Variants in NEXN observed in about 807,000 individuals in gnomAD.
NEXN encodes the protein nexilin F-actin binding protein.
A neutral mutation model predicts 92.6 loss-of-function variants in NEXN; 65 were observed. The ratio of observed to expected loss-of-function variants is 0.70; its 90% CI spans 0.57 to 0.86. The LOEUF (loss-of-function observed/expected upper bound fraction) is 0.86, where lower values mean the gene tolerates loss of function less well. NEXN is among the 40% of genes least tolerant of loss of function. NEXN has a pLI of 0.00. For missense variants in NEXN, 778 were observed against 771.1 expected, an observed-to-expected ratio of 1.01 and a Z score of -0.11; for synonymous variants, 254 against 242.5, an observed-to-expected ratio of 1.05 and a Z score of -0.44.
At chr1:77,934,891 T>C (rs1417967062) in intron 10 of NEXN, among the ~76,000 whole-genome samples, 1 of 152,192 alleles carries the variant, frequency 6.6e-6, no homozygotes, top group East Asian at 1.9e-4. Flanking sequence ...TTAACTTGAG[T>C]ATTAAGAGTG....
chr1:77,920,153 G>A (rs147527639), intron 5 of NEXN, among the ~76,000 whole-genome samples: 1 of 151,964 alleles, frequency 6.6e-6, no homozygotes, highest in East Asian at 1.9e-4. Flanking sequence ...TGCCCACCTC[G>A]GCCTCCCAAA....
intron 5 of NEXN, among the ~76,000 whole-genome samples, chr1:77,921,241 C>T (rs2102104787): frequency 6.6e-6 from 1 of 152,234 alleles, no homozygotes; most frequent in African/African-American, 2.4e-5. Flanking sequence ...GTCCCAGCTA[C>T]TTGGGAGGCT....
intron 1 of NEXN, among the ~76,000 whole-genome samples, chr1:77,914,014 A>G (rs1032859780): frequency 9.9e-5 from 15 of 152,264 alleles, no homozygotes; most frequent in African/African-American, 3.6e-4. Context: ...TTCCAACTGT[A>G]TGACATTCTG....
rs2102133043 is a variant in NEXN at position 77,929,342 on chromosome 1, C to A, written c.891C>A (p.Asp297Glu). Reference protein sequence around the residue: ...QMVNEDEENQDTAKIFKGYRP... With the variant: ...QMVNEDEENQETAKIFKGYRP... ...TAAATGAAGATGAGGAAAACCAAGACACAGCAAAAATTTTTAAAGGGTACC... is the reference window on the plus strand; with the variant it reads ...TAAATGAAGATGAGGAAAACCAAGAAACAGCAAAAATTTTTAAAGGGTACC... The change falls in exon 9 of 13, where the codon GAC (aspartate) becomes GAA (glutamate). Residue 297 changes from aspartate (D) to glutamate (E), a missense_variant. By Grantham distance (45) the Asp-to-Glu change is conservative. This residue lies in a region of NEXN where 532 missense variants were observed against 476.7 expected (regional missense o/e 1.12). Transcript: ENST00000334785. The A allele has an allele frequency of 6.2e-7, 1 of 1,613,152 alleles. No individual in the cohort carries two copies.
At position 77,901,330 on chromosome 1, in the gene NEXN, TTCC is replaced by T. The variant is rs150467707; in HGVS notation, c.-53+12574_-53+12576del. 4.2e-3 allele frequency among the ~76,000 whole-genome samples: 636 copies of T among 152,330 alleles called. 6 individuals carry two copies. Among genetic ancestry groups the T allele is most frequent in the African/African-American group, 0.015 (612 of 41,570 alleles). On this transcript the variant is annotated intron_variant, in intron 1 of 12. Coordinates refer to ENST00000334785, the MANE Select transcript of NEXN (RefSeq NM_144573.4). ...AGATTAGCAAAAATGTAAAATTATTTTCCTCTTCTTACTAATTATTTTTATGTT... is the reference window on the plus strand; with the variant it reads ...AGATTAGCAAAAATGTAAAATTATTTTCTTCTTACTAATTATTTTTATGTT...
intron 11 of NEXN, chr1:77,941,638 T>C (rs1651319129): frequency 9.4e-6 from 2 of 211,730 alleles, no homozygotes. Flanking sequence ...AGAAAACATT[T>C]ATTATGCAGT....
In NEXN at chr1:77,942,699, G is replaced by C. The variant is rs768461695; in HGVS notation, c.1898G>C (p.Arg633Thr). 3.7e-6 allele frequency: 6 copies of C among 1,613,764 alleles called. No individual in the cohort carries two copies. The Admixed American group carries it at 1.0e-4, about 27-fold the overall frequency. Reference sequence around the variant, plus strand: ...GGAGAAGACTATCAATATATTGAAAGGGGAGAAACTTACTGCCTTTACTTA... The same window carrying C: ...GGAGAAGACTATCAATATATTGAAACGGGAGAAACTTACTGCCTTTACTTA... ...QDGEDYQYIE[R>T]GETYCLYLPE... is the part of the protein sequence containing the mutation. The change falls in exon 13 of 13, where the codon AGG becomes ACG. Residue 633 changes from arginine (R) to threonine (T), a missense_variant. Physicochemically the swap from Arg to Thr is moderately conservative, Grantham distance 71 (BLOSUM62 -1). Coordinates refer to ENST00000334785, the MANE Select transcript of NEXN (RefSeq NM_144573.4).
At chr1:77,906,358 A>G (rs1031299479) in intron 1 of NEXN, among the ~76,000 whole-genome samples, 13 of 152,130 alleles carry the variant, frequency 8.5e-5, no homozygotes, top group Non-Finnish European at 2.9e-5. Context: ...CCTAAACAGA[A>G]ACTCTAATCC....
At chr1:77,923,290 T>G (rs970362022) in intron 5 of NEXN, among the ~76,000 whole-genome samples, 1 of 151,268 alleles carries the variant, frequency 6.6e-6, no homozygotes, top group Non-Finnish European at 1.5e-5. Flanking sequence ...CCACCATGCC[T>G]GGCCAGGTAT....
At chr1:77,911,293 A>G (rs1648557686) in intron 1 of NEXN, among the ~76,000 whole-genome samples, 1 of 152,220 alleles carries the variant, frequency 6.6e-6, no homozygotes, top group Admixed American at 6.5e-5. Flanking sequence ...GTCAAAACAT[A>G]GTCAAAACTT....
intron 1 of NEXN, among the ~76,000 whole-genome samples, chr1:77,908,047 G>A (rs1345401818): frequency 1.3e-5 from 2 of 151,974 alleles, no homozygotes; most frequent in African/African-American, 2.4e-5. Context: ...CCAGGAGTTC[G>A]AGACCAGCCT....
intron 10 of NEXN, among the ~76,000 whole-genome samples, chr1:77,934,814 G>A (rs1237236978): frequency 2.0e-5 from 3 of 152,208 alleles, no homozygotes; most frequent in East Asian, 1.9e-4. Context: ...GCTATGGCAT[G>A]TTTGGCAGGC....
At chr1:77,895,029 A>ATTTTTTTTTTTTT (rs559226754) in intron 1 of NEXN, among the ~76,000 whole-genome samples, 10 of 61,656 alleles carry the variant, frequency 1.6e-4, no homozygotes, top group African/African-American at 6.1e-4. Flanking sequence ...CTATAGTGTA[A>ATTTTTTTTTTTTT]TTTTTTTTTT....
chr1:77,898,007 A>C (rs1453315827), intron 1 of NEXN, among the ~76,000 whole-genome samples: 1 of 152,204 alleles, frequency 6.6e-6, no homozygotes, highest in Non-Finnish European at 1.5e-5. Flanking sequence ...AATGAAATAA[A>C]AGAGGATACA....
At chr1:77,898,082 T>C (rs887567102) in intron 1 of NEXN, among the ~76,000 whole-genome samples, 1 of 151,672 alleles carries the variant, frequency 6.6e-6, no homozygotes, top group Non-Finnish European at 1.5e-5. Flanking sequence ...ATGGCCATAC[T>C]GCCCAAGGTA....
chr1:77,904,840 C>T (rs372856374), intron 1 of NEXN, among the ~76,000 whole-genome samples: 28 of 152,144 alleles, frequency 1.8e-4, no homozygotes, highest in African/African-American at 6.3e-4. Flanking sequence ...CTTAAAAATC[C>T]GGTTCCAAGG....
intron 1 of NEXN, among the ~76,000 whole-genome samples, chr1:77,891,562 T>A (rs1192900092): frequency 6.6e-6 from 1 of 151,880 alleles, no homozygotes; most frequent in Non-Finnish European, 1.5e-5. Context: ...CTTCTCACCG[T>A]CCATCCTGGG....
intron 10 of NEXN, among the ~76,000 whole-genome samples, chr1:77,935,309 A>T (rs1167523971): frequency 6.6e-6 from 1 of 152,166 alleles, no homozygotes; most frequent in East Asian, 1.9e-4. Context: ...AAGTGCTGGG[A>T]TTACAGGCGT....
chr1:77,912,021 G>A (rs936589047), intron 1 of NEXN, among the ~76,000 whole-genome samples: 6 of 151,024 alleles, frequency 4.0e-5, no homozygotes, highest in Admixed American at 1.3e-4. Flanking sequence ...AGAGGTTGCA[G>A]TGAGCCGAGA....
Sources: allele counts gnomAD v4.1 joint callset (sites outside exome capture counted in the v4.1 genomes callset), GRCh38; gene constraint gnomAD v4.1.1; regional missense constraint gnomAD v4.1.1; transcripts MANE v1.5; gene names NCBI Gene and HGNC (gene_info 2026-07-23, HGNC 2026-07-21).